The following MACROD2 variants were observed in gnomAD, a reference collection of about 807,000 sequenced individuals.
The protein encoded by MACROD2 is mono-ADP ribosylhydrolase 2.
Under a neutral mutation model 70.4 loss-of-function variants are expected in MACROD2, and 36 were observed. The ratio of observed to expected loss-of-function variants is 0.51; its 90% CI spans 0.39 to 0.68. The LOEUF (loss-of-function observed/expected upper bound fraction) is 0.68. Among genes scored for constraint, MACROD2 ranks in the 30% least tolerant of loss-of-function variants. The pLI, the probability that MACROD2 is intolerant of heterozygous loss-of-function variation, is 0.00. For synonymous variants in MACROD2, 172 were observed against 178.8 expected (o/e 0.96, Z 0.30); for missense variants, 496 against 538.4 (o/e 0.92, Z 0.78).
At chr20:14,210,693 T>C (rs754929231) in intron 3 of MACROD2, among the ~76,000 whole-genome samples, 1 of 152,236 alleles carries the variant, frequency 6.6e-6, no homozygotes, top group Non-Finnish European at 1.5e-5. Flanking sequence ...TTTTGTTTTG[T>C]ATCCACTGTG....
chr20:15,590,363 G>T (rs1462278616), intron 8 of MACROD2, among the ~76,000 whole-genome samples: 3 of 152,160 alleles, frequency 2.0e-5, no homozygotes, highest in African/African-American at 4.8e-5. Context: ...CTTTCTTACA[G>T]TTGCACAGCA....
In MACROD2 at chr20:14,813,792, G is replaced by A. The variant is rs567543046; in HGVS notation, c.418+128833G>A. Reference sequence around the variant, plus strand: ...GAAGTTTCATTATGTAGGTATGATTGATTACATTATTGGCCATTGGTGATC... The same window carrying A: ...GAAGTTTCATTATGTAGGTATGATTAATTACATTATTGGCCATTGGTGATC... On this transcript the variant is annotated intron_variant, in intron 5 of 17. Transcript: ENST00000684519. 1.1e-4 allele frequency among the ~76,000 whole-genome samples: 17 copies of A among 152,072 alleles called. No individual in the cohort carries two copies. The East Asian group carries it at 3.3e-3, about 30-fold the overall frequency.
chr20:14,575,994 A>G (rs1030396341), intron 4 of MACROD2, among the ~76,000 whole-genome samples: 4 of 152,180 alleles, frequency 2.6e-5, no homozygotes, highest in Non-Finnish European at 5.9e-5. Flanking sequence ...ACCTAAATAT[A>G]TAGTTGTCTT....
intron 3 of MACROD2, among the ~76,000 whole-genome samples, chr20:14,415,659 G>T (rs1483621863): frequency 1.3e-5 from 2 of 152,166 alleles, no homozygotes; most frequent in Non-Finnish European, 2.9e-5. Flanking sequence ...TGTGTTAACA[G>T]CTATCCATGT....
chr20:14,843,970 C>T (rs1404199361), intron 5 of MACROD2, among the ~76,000 whole-genome samples: 1 of 152,092 alleles, frequency 6.6e-6, no homozygotes, highest in Non-Finnish European at 1.5e-5. Context: ...CTGCCATTAG[C>T]ACCACTTCCA....
At chr20:15,897,847 T>G (rs1213701530) in intron 10 of MACROD2, among the ~76,000 whole-genome samples, 1 of 152,240 alleles carries the variant, frequency 6.6e-6, no homozygotes, top group Non-Finnish European at 1.5e-5. Context: ...TGCAAACTTC[T>G]GCACTTGGTT....
intron 3 of MACROD2, among the ~76,000 whole-genome samples, chr20:14,339,867 A>G (rs1358275844): frequency 1.3e-5 from 2 of 152,202 alleles, no homozygotes; most frequent in East Asian, 1.9e-4. Flanking sequence ...GCAAACTCTT[A>G]GTAGAATCTG....
chr20:15,565,719 A>G (rs1600599064), intron 8 of MACROD2, among the ~76,000 whole-genome samples: 1 of 151,556 alleles, frequency 6.6e-6, no homozygotes, highest in East Asian at 1.9e-4. Flanking sequence ...GGGCTCAAGC[A>G]ATCCTCCTGC....
At chr20:15,799,457 A>G (rs2063704118) in intron 8 of MACROD2, among the ~76,000 whole-genome samples, 1 of 152,018 alleles carries the variant, frequency 6.6e-6, no homozygotes, top group South Asian at 2.1e-4. Context: ...TCCCACCCAC[A>G]CTTTCCAGCC....
At chr20:15,503,759 T>TC (rs1358908850) in intron 8 of MACROD2, among the ~76,000 whole-genome samples, 1 of 152,176 alleles carries the variant, frequency 6.6e-6, no homozygotes, top group Admixed American at 6.5e-5. Context: ...CATTCATGGG[T>TC]CAATCAGCCC....
intron 5 of MACROD2, among the ~76,000 whole-genome samples, chr20:14,965,608 C>T (rs1289549617): frequency 6.7e-6 from 1 of 150,146 alleles, no homozygotes; most frequent in Non-Finnish European, 1.5e-5. Flanking sequence ...CTATAGGCGC[C>T]CGCCACTATG....
chr20:15,007,115 A>G (rs1477721624), intron 5 of MACROD2, among the ~76,000 whole-genome samples: 4 of 152,142 alleles, frequency 2.6e-5, no homozygotes, highest in Non-Finnish European at 4.4e-5. Context: ...CTGTAATCCC[A>G]GCACTTTGGG....
intron 8 of MACROD2, among the ~76,000 whole-genome samples, chr20:15,559,151 C>T (rs1407084733): frequency 3.5e-5 from 5 of 144,082 alleles, no homozygotes; most frequent in African/African-American, 1.0e-4. Context: ...GGCGTGAACC[C>T]GGGAGGTGGA....
intron 5 of MACROD2, among the ~76,000 whole-genome samples, chr20:14,705,036 A>G (rs1485190735): frequency 1.3e-5 from 2 of 152,024 alleles, no homozygotes; most frequent in Non-Finnish European, 2.9e-5. Context: ...AATGATTACT[A>G]TAGTGAAGCA....
At chr20:14,270,835 T>G (rs935898774) in intron 3 of MACROD2, among the ~76,000 whole-genome samples, 1 of 152,034 alleles carries the variant, frequency 6.6e-6, no homozygotes, top group African/African-American at 2.4e-5. Context: ...CACCAGGAGA[T>G]TATATCACAC....
At chr20:15,698,940 TC>T (rs1284726017) in intron 8 of MACROD2, among the ~76,000 whole-genome samples, 5 of 152,340 alleles carry the variant, frequency 3.3e-5, no homozygotes, top group South Asian at 2.1e-4. Flanking sequence ...TATTGCTTTT[TC>T]TTTAAGCTAT....
chr20:15,153,723 A>C (rs1285150714), intron 5 of MACROD2, among the ~76,000 whole-genome samples: 1 of 152,184 alleles, frequency 6.6e-6, no homozygotes, highest in Admixed American at 6.5e-5. Context: ...ATGTAGTCAG[A>C]AATCAGAATT....
chr20:15,426,264 G>A (rs1237131853), intron 6 of MACROD2, among the ~76,000 whole-genome samples: 1 of 151,522 alleles, frequency 6.6e-6, no homozygotes, highest in Admixed American at 6.6e-5. Flanking sequence ...AACATGTTGG[G>A]CTATAAAAGT....
At chr20:14,788,830 G>A (rs1235134046) in intron 5 of MACROD2, among the ~76,000 whole-genome samples, 1 of 138,540 alleles carries the variant, frequency 7.2e-6, no homozygotes, top group Non-Finnish European at 1.5e-5. Context: ...GTGCGGTGGT[G>A]CGATCTCGGC....
Sources: gnomAD v4.1 joint callset for allele counts (sites outside exome capture counted in the v4.1 genomes callset) on GRCh38, gnomAD v4.1.1 for gene constraint, MANE v1.5 for transcripts, NCBI Gene and HGNC (gene_info 2026-07-23, HGNC 2026-07-21) for gene names.